PUS7: variants seen among roughly 807,000 people sequenced by gnomAD.
The protein encoded by PUS7 is pseudouridylate synthase 7 homolog.
Under a neutral mutation model 79.8 loss-of-function variants are expected in PUS7, and 48 were observed. The observed-to-expected ratio is 0.60, with a 90% CI of 0.48 to 0.76. The LOEUF is 0.76. Among genes scored for constraint, PUS7 ranks in the 30% least tolerant of loss-of-function variants. The pLI, the probability that PUS7 is intolerant of heterozygous loss-of-function variation, is 0.00. For missense variants in PUS7, 729 were observed against 797.6 expected (o/e 0.91, Z 1.04); for synonymous variants, 286 against 272.2 (o/e 1.05, Z -0.50).
chr7:105,484,743 G>A (rs369882030), intron 7 of PUS7, among the ~76,000 whole-genome samples: 20 of 151,024 alleles, frequency 1.3e-4, no homozygotes, highest in African/African-American at 4.4e-4. Context: ...GCTTGAGCCC[G>A]GGAGGCAGAG....
intron 7 of PUS7, 53 bp from the exon 8 acceptor site, chr7:105,482,493 A>T: frequency 6.6e-7 from 1 of 1,520,840 alleles, no homozygotes; most frequent in South Asian, 1.2e-5. Context: ...AAAGAGGATC[A>T]TGAGATACTG....
chr7:105,508,909 G>A (rs1205683224), intron 1 of PUS7, among the ~76,000 whole-genome samples: 7 of 125,542 alleles, frequency 5.6e-5, no homozygotes, highest in East Asian at 4.3e-4. Context: ...GGTCAGGCAC[G>A]GTGGCTCACA....
intron 1 of PUS7, among the ~76,000 whole-genome samples, chr7:105,510,659 G>A (rs778492282): frequency 3.3e-5 from 5 of 151,866 alleles, no homozygotes; most frequent in African/African-American, 7.3e-5. Context: ...GATCACAGGC[G>A]TGTACCACCA....
At chr7:105,514,251 A>C (rs2133283151) in intron 1 of PUS7, among the ~76,000 whole-genome samples, 1 of 133,498 alleles carries the variant, frequency 7.5e-6, no homozygotes, top group East Asian at 2.2e-4. Flanking sequence ...AAAAATAGTT[A>C]TTATGGATGA....
intron 1 of PUS7, among the ~76,000 whole-genome samples, chr7:105,518,527 G>A (rs751443675): frequency 3.3e-5 from 5 of 151,390 alleles, no homozygotes; most frequent in Non-Finnish European, 5.9e-5. Context: ...TCAGCCACCC[G>A]AGTAACTGGG....
intron 7 of PUS7, among the ~76,000 whole-genome samples, chr7:105,489,939 C>T (rs1272870755): frequency 6.6e-6 from 1 of 151,814 alleles, no homozygotes; most frequent in Non-Finnish European, 1.5e-5. Context: ...GCCAACATGG[C>T]GAAACTCCAT....
intron 1 of PUS7, among the ~76,000 whole-genome samples, chr7:105,516,312 T>A (rs1283895624): frequency 6.6e-6 from 1 of 152,188 alleles, no homozygotes; most frequent in Non-Finnish European, 1.5e-5. Flanking sequence ...TTTTTCTAAG[T>A]TCTGTCCTAT....
chr7:105,483,075 C>G (rs1824392820), intron 7 of PUS7, among the ~76,000 whole-genome samples: 1 of 152,084 alleles, frequency 6.6e-6, no homozygotes, highest in Admixed American at 6.5e-5. Flanking sequence ...TCCTTGCCTT[C>G]TTCAATAGGA....
At chr7:105,462,351 G>A (rs551603945) in intron 14 of PUS7, 10 of 312,752 alleles carry the variant, frequency 3.2e-5, no homozygotes, top group Middle Eastern at 1.9e-3. Context: ...AGAATCGCTT[G>A]AACCTGGGAG....
chr7:105,509,045 G>A (rs187957276), intron 1 of PUS7, among the ~76,000 whole-genome samples: 84 of 150,450 alleles, frequency 5.6e-4, no homozygotes, highest in African/African-American at 2.0e-3. Context: ...CTAGCTGGGC[G>A]TGGTGGTAGG....
At chr7:105,474,746 A>G (rs1326741667) in intron 9 of PUS7, among the ~76,000 whole-genome samples, 1 of 152,144 alleles carries the variant, frequency 6.6e-6, no homozygotes, top group Non-Finnish European at 1.5e-5. Context: ...GTGCCACTGC[A>G]CTCCAGCCTG....
chr7:105,498,224 A>G (rs1200512015), intron 5 of PUS7, among the ~76,000 whole-genome samples: 1 of 152,204 alleles, frequency 6.6e-6, no homozygotes, highest in Non-Finnish European at 1.5e-5. Context: ...AAGCATATGC[A>G]TTGATTAACT....
rs200474347 is a variant in PUS7, at chr7:105,521,820, G to GGAGCGGGGAGCGGAGAGCGGA, written c.-33+231_-33+232insTCCGCTCTCCGCTCCCCGCTC. Among the ~76,000 whole-genome samples the GGAGCGGGGAGCGGAGAGCGGA allele has an allele frequency of 2.9e-3, 444 of 151,436 alleles. 8 individuals are homozygous for GGAGCGGGGAGCGGAGAGCGGA. The highest frequency in any genetic ancestry group is 2.3e-3 in the Non-Finnish European group (154 of 67,766). ...CCGGGCAGAGCGGAGCGGGGAGCGG[G>GGAGCGGGGAGCGGAGAGCGGA]GAGCGGAGAGCGGCGCCTGCACCGC... On this transcript the variant is annotated intron_variant, in intron 1 of 15. Coordinates refer to ENST00000469408, the MANE Select transcript of PUS7 (RefSeq NM_019042.5).
At chr7:105,465,453 G>C (rs1472725420) in intron 12 of PUS7, 39 bp from the exon 13 acceptor site, 1 of 1,408,602 alleles carries the variant, frequency 7.1e-7, no homozygotes, top group Non-Finnish European at 1.0e-6. Flanking sequence ...AAGAAAATAG[G>C]CAATATTGTT....
chr7:105,502,483 C>T lies in PUS7; in HGVS notation c.667G>A (p.Glu223Lys), dbSNP rs761087826. The T allele has an allele frequency of 6.2e-7, 1 of 1,614,140 alleles. No homozygotes were observed. Among genetic ancestry groups the T allele is most frequent in the Non-Finnish European group, 8.5e-7 (1 of 1,180,014 alleles). Residue 223 changes from glutamate to lysine, a missense_variant, in exon 5 of 16, where the codon GAG (glutamate) becomes AAG (lysine). Transcript: ENST00000469408. ...SLFPGLETKT[E>K]DREGKKYIVA... The stretch of plus-strand genomic sequence containing the variant: ...ATGTATTTCTTCCCCTCCCTATCCT[C>T]TGTTTTTGTCTCTAATCCTGGAAAC...
At chr7:105,506,396 G>T in intron 2 of PUS7, 123 bp from the exon 3 acceptor site, 2 of 653,486 alleles carry the variant, frequency 3.1e-6, no homozygotes, top group Admixed American at 3.3e-5. Flanking sequence ...AAAATCTTCA[G>T]TGCAAAATCA....
chr7:105,459,977 C>T (rs778430734), intron 14 of PUS7, among the ~76,000 whole-genome samples: 2 of 152,112 alleles, frequency 1.3e-5, no homozygotes, highest in South Asian at 2.1e-4. Flanking sequence ...CTCGCTCTGT[C>T]GCCCAGGCTG....
At chr7:105,480,237 T>C (rs1824265498) in intron 9 of PUS7, among the ~76,000 whole-genome samples, 1 of 151,814 alleles carries the variant, frequency 6.6e-6, no homozygotes, top group South Asian at 2.1e-4. Flanking sequence ...TTTGGGAGGC[T>C]GAGGTAGGCG....
In PUS7 at chr7:105,508,547, G is replaced by T. The variant is rs563505680; in HGVS notation, c.-32-3C>A. 6 of 1,587,794 alleles carry T rather than the reference G, an allele frequency of 3.8e-6. No homozygotes were observed. The East Asian group carries it at 1.1e-4, about 30-fold the overall frequency. ...TCCAAGAAAACATTTAAGAAAACCTGTTAGGAAAGAGTAGAAAGTAACAAT... is the reference window on the plus strand; with the variant it reads ...TCCAAGAAAACATTTAAGAAAACCTTTTAGGAAAGAGTAGAAAGTAACAAT... On this transcript the variant is annotated splice_region_variant and splice_polypyrimidine_tract_variant and intron_variant, in intron 1 of 15. Transcript: ENST00000469408.
Sources: gnomAD v4.1 joint callset for allele counts (sites outside exome capture counted in the v4.1 genomes callset) on GRCh38, gnomAD v4.1.1 for gene constraint, MANE v1.5 for transcripts, NCBI Gene and HGNC (gene_info 2026-07-23, HGNC 2026-07-21) for gene names.